GPR143: variants seen among roughly 807,000 people sequenced by gnomAD.
GPR143 encodes the protein G-protein coupled receptor 143.
GPR143 carries 8 observed loss-of-function variants against 27.6 expected under a neutral mutation model. The ratio of observed to expected loss-of-function variants is 0.29; its 90% CI spans 0.17 to 0.52. The LOEUF is 0.52. GPR143 is among the 20% of genes least tolerant of loss of function. The pLI is 0.96. For synonymous variants in GPR143, 156 were observed against 153.2 expected, an observed-to-expected ratio of 1.02 and a Z score of -0.13; for missense variants, 303 against 343.1, an observed-to-expected ratio of 0.88 and a Z score of 0.92.
At position 9,748,562 on chromosome X, in the gene GPR143, G is replaced by A. The variant is rs1389693105; in HGVS notation, c.548+12C>T. 1 of 1,149,321 alleles carries A rather than the reference G, an allele frequency of 8.7e-7. No homozygotes were observed. The allele number at this position is 1,149,321 out of a possible 1,213,427, so 94.7% of individuals were successfully genotyped here. A position where few individuals can be genotyped will look rare whatever the true frequency, so the allele number is the denominator to read the frequency against. ...GGATGGGGCTGCCTGGGGCGCTGGAGTCCCAACTTACCTGGACACGGAAGG... is the reference window on the plus strand; with the variant it reads ...GGATGGGGCTGCCTGGGGCGCTGGAATCCCAACTTACCTGGACACGGAAGG... On this transcript the variant is annotated intron_variant, in intron 4 of 8. Transcript: ENST00000467482.
rs778099606 is a variant in GPR143 at position 9,759,372 on chromosome X, C to T, written c.415G>A (p.Val139Met). The change falls in exon 3 of 9, where the codon GTG (valine) becomes ATG (methionine). Residue 139 changes from valine to methionine, a missense_variant. Val to Met is a conservative substitution (Grantham distance 21, BLOSUM62 1). Transcript: ENST00000467482. ...ACFWWLFCYA[V>M]DAYLVIRRSA... is the part of the protein sequence containing the mutation. ...CTCCGGATCACCAGATAAGCATCCA[C>T]TGCATAGCAAAACAGCCACCAGAAG... 1.0e-5 allele frequency: 12 copies of T among 1,199,151 alleles called. No individual in the cohort carries two copies. In the East Asian group the frequency reaches 2.4e-4, roughly 24 times the overall value.
rs1443384876 is a variant in GPR143 at position 9,754,440 on chromosome X, G to A, written c.455+4892C>T. Among the ~76,000 whole-genome samples, 12 of 111,244 alleles carry A rather than the reference G, an allele frequency of 1.1e-4. No individual in the cohort carries two copies. In the East Asian group the frequency reaches 1.7e-3, roughly 16 times the overall value. On this transcript the variant is annotated intron_variant, in intron 3 of 8. Transcript: ENST00000467482. ...TCTGTATGAGACTCAGATAACTAAC[G>A]GAGAGGCTTTCTGCAAAGGGCTGGG... is the stretch of plus-strand genomic sequence containing the variant.
Position 9,760,930 on chromosome X carries a change from G to A in GPR143, c.251-104C>T. The A allele has an allele frequency of 8.3e-6, 4 of 481,398 alleles. No individual in the cohort carries two copies. In the South Asian group the frequency reaches 1.2e-4, roughly 15 times the overall value. The allele number at this position is 481,398 out of a possible 1,213,427, so 39.7% of individuals were successfully genotyped here. A position where few individuals can be genotyped will look rare whatever the true frequency, so the allele number is the denominator to read the frequency against. On this transcript the variant is annotated intron_variant, in intron 1 of 8. Transcript: ENST00000467482. ...GATACATAATAGATAGAGATAGGAA[G>A]AGAGGAAGGAAGAAGGAAGGAAGGA...
intron 2 of GPR143, among the ~76,000 whole-genome samples, chrX:9,760,134 C>G (rs773946571): frequency 1.8e-5 from 2 of 112,010 alleles, no homozygotes; most frequent in Non-Finnish European, 3.8e-5. Flanking sequence ...CTCTGTCACC[C>G]AGGCTGGAGT....
intron 1 of GPR143, among the ~76,000 whole-genome samples, chrX:9,765,302 C>T (rs1458996969): frequency 3.6e-5 from 4 of 110,964 alleles, no homozygotes; most frequent in African/African-American, 1.3e-4. Flanking sequence ...ACGCCCTCAC[C>T]CCAGCACTGA....
At chrX:9,735,981 T>G (rs1363403004) in intron 8 of GPR143, among the ~76,000 whole-genome samples, 1 of 111,602 alleles carries the variant, frequency 9.0e-6, no homozygotes, top group Non-Finnish European at 1.9e-5. Flanking sequence ...TCACCTCTAC[T>G]TAGTGAGGGG....
At chrX:9,766,272 C>G (rs755053624), upstream of GPR143, 1 of 112,631 alleles carries the variant, frequency 8.9e-6, no homozygotes, top group Non-Finnish European at 1.9e-5. Flanking sequence ...GCCTTTAAGG[C>G]GCCAGAACAT....
intron 4 of GPR143, among the ~76,000 whole-genome samples, chrX:9,747,252 A>G (rs2083433080): frequency 1.8e-5 from 2 of 110,751 alleles, no homozygotes; most frequent in African/African-American, 6.6e-5. Flanking sequence ...CAAATAAGAG[A>G]GTGAGACTGT....
At position 9,725,638 on chromosome X, in the gene GPR143, G is replaced by T; in HGVS notation, c.*108C>A. 1 of 599,596 alleles carries T rather than the reference G, an allele frequency of 1.7e-6. No individual in the cohort carries two copies. The highest frequency in any genetic ancestry group is 2.8e-6 in the Non-Finnish European group (1 of 360,139). The allele number at this position is 599,596 out of a possible 1,213,427, so 49.4% of individuals were successfully genotyped here. A position where few individuals can be genotyped will look rare whatever the true frequency, so the allele number is the denominator to read the frequency against. Reference sequence around the variant, plus strand: ...CTGGTGATGAGAGCAAGGTTTGGGGGCCGCTACACTTCGGCAGTGCAGTGT... The same window carrying T: ...CTGGTGATGAGAGCAAGGTTTGGGGTCCGCTACACTTCGGCAGTGCAGTGT... On this transcript the variant is annotated 3_prime_UTR_variant, in exon 9 of 9. Transcript: ENST00000467482.
intron 8 of GPR143, among the ~76,000 whole-genome samples, chrX:9,732,258 G>C (rs998438775): frequency 2.7e-5 from 3 of 111,514 alleles, no homozygotes; most frequent in African/African-American, 9.8e-5. Context: ...AATTCTGGGA[G>C]AGCAGGGAAT....
At chrX:9,730,273 C>T (rs1273607318) in intron 8 of GPR143, among the ~76,000 whole-genome samples, 2 of 65,886 alleles carry the variant, frequency 3.0e-5, no homozygotes, top group Non-Finnish European at 5.0e-5. Flanking sequence ...TCTTTGAAGT[C>T]CTAGAACTGA....
At chrX:9,733,252 G>A (rs1033290862) in intron 8 of GPR143, among the ~76,000 whole-genome samples, 1 of 111,917 alleles carries the variant, frequency 8.9e-6, no homozygotes, top group Non-Finnish European at 1.9e-5. Flanking sequence ...GCCGTATTGT[G>A]GGAGAAAAAA....
At chrX:9,733,691 G>T (rs1280417557) in intron 8 of GPR143, among the ~76,000 whole-genome samples, 2 of 111,562 alleles carry the variant, frequency 1.8e-5, no homozygotes, top group African/African-American at 6.5e-5. Context: ...TTGAGGGACA[G>T]GCAGGGAATT....
Position 9,725,468 on chromosome X carries a change from C to G in GPR143, c.*278G>C. On this transcript the variant is annotated 3_prime_UTR_variant, in exon 9 of 9. Coordinates refer to ENST00000467482, the MANE Select transcript of GPR143 (RefSeq NM_000273.3). ...CCCAAGGATGTGGACCTTACACTTA[C>G]TTTACAGCCAGCCTCAGAAAACTTC... is the stretch of plus-strand genomic sequence containing the variant. 6.2e-6 allele frequency: 2 copies of G among 323,521 alleles called. No homozygotes were observed. Among genetic ancestry groups the G allele is most frequent in the Non-Finnish European group, 1.1e-5 (2 of 186,837 alleles). 26.7% of individuals were successfully genotyped at this position (323,521 alleles called of 1,213,427 possible). A position where few individuals can be genotyped will look rare whatever the true frequency, so the allele number is the denominator to read the frequency against.
intron 1 of GPR143, among the ~76,000 whole-genome samples, chrX:9,761,418 C>A (rs1217470023): frequency 8.9e-6 from 1 of 112,461 alleles, no homozygotes; most frequent in Non-Finnish European, 1.9e-5. Flanking sequence ...CTTATGGTAG[C>A]AAAACAAACG....
At chrX:9,729,036 T>A in intron 8 of GPR143, among the ~76,000 whole-genome samples, 1 of 110,927 alleles carries the variant, frequency 9.0e-6, no homozygotes, top group East Asian at 2.8e-4. Context: ...GTGGGGAGGA[T>A]GGATCTGGCC....
intron 5 of GPR143, 119 bp downstream of exon 5, chrX:9,745,925 G>T: frequency 1.8e-6 from 1 of 551,078 alleles, no homozygotes; most frequent in Non-Finnish European, 3.3e-6. Context: ...GTCTCTGGAG[G>T]ATGACAAATG....
chrX:9,774,919 A>G (rs746427746), intron 1 of GPR143, among the ~76,000 whole-genome samples: 1 of 110,669 alleles, frequency 9.0e-6, no homozygotes, highest in Non-Finnish European at 1.9e-5. Flanking sequence ...GCTGGAGTGC[A>G]GTGGTGTGAT....
chrX:9,765,927 C>T, upstream of GPR143: 4 of 784,969 alleles, frequency 5.1e-6, no homozygotes, highest in South Asian at 2.0e-4. Flanking sequence ...CTCTCCCCCA[C>T]CCCAACCCCC....
Sources: allele counts gnomAD v4.1 joint callset (sites outside exome capture counted in the v4.1 genomes callset), GRCh38; gene constraint gnomAD v4.1.1; transcripts MANE v1.5; gene names NCBI Gene and HGNC (gene_info 2026-07-23, HGNC 2026-07-21).